The following ROBO1 variants were observed in gnomAD, a reference collection of about 807,000 sequenced individuals.
ROBO1 encodes the protein roundabout guidance receptor 1, also known as roundabout homolog 1.
Under a neutral mutation model 195.9 loss-of-function variants are expected in ROBO1, and 149 were observed. That is an observed-to-expected ratio of 0.76 (90% CI 0.67 to 0.87). The LOEUF (loss-of-function observed/expected upper bound fraction) is 0.87. ROBO1 is among the 40% of genes least tolerant of loss of function. ROBO1 has a pLI of 0.00. For synonymous variants in ROBO1, 816 were observed against 733.2 expected, an observed-to-expected ratio of 1.11 and a Z score of -1.82; for missense variants, 1,933 against 2,068.3, an observed-to-expected ratio of 0.93 and a Z score of 1.27.
chr3:79,660,958 T>A (rs1302908920), intron 1 of ROBO1, among the ~76,000 whole-genome samples: 1 of 152,092 alleles, frequency 6.6e-6, no homozygotes, highest in Non-Finnish European at 1.5e-5. Context: ...TGGGCTATAG[T>A]TTATCCTTCA....
intron 3 of ROBO1, among the ~76,000 whole-genome samples, chr3:78,970,099 A>G (rs2076730930): frequency 6.6e-6 from 1 of 152,258 alleles, no homozygotes; most frequent in Non-Finnish European, 1.5e-5. Context: ...GGAGCCAAAG[A>G]CTCATTAAAG....
chr3:79,757,921 A>G (rs1326577796), intron 1 of ROBO1, among the ~76,000 whole-genome samples: 1 of 152,198 alleles, frequency 6.6e-6, no homozygotes, highest in Non-Finnish European at 1.5e-5. Context: ...ATTCACCAAA[A>G]ATAGCTTTAA....
chr3:78,902,496 G>A (rs948998435), intron 4 of ROBO1, among the ~76,000 whole-genome samples: 1 of 151,912 alleles, frequency 6.6e-6, no homozygotes, highest in African/African-American at 2.4e-5. Flanking sequence ...TTACTTACAT[G>A]TGTCATAAAA....
intron 2 of ROBO1, among the ~76,000 whole-genome samples, chr3:79,278,110 A>C (rs996048333): frequency 6.6e-6 from 1 of 152,114 alleles, no homozygotes; most frequent in Non-Finnish European, 1.5e-5. Flanking sequence ...TTTAGCAAGG[A>C]GATGAAAGAC....
intron 4 of ROBO1, among the ~76,000 whole-genome samples, chr3:78,750,402 A>C (rs1343318813): frequency 6.6e-6 from 1 of 151,374 alleles, no homozygotes; most frequent in African/African-American, 2.4e-5. Context: ...GCAGTGAGCC[A>C]AGATCACACC....
chr3:79,455,387 C>CT (rs975477432), intron 2 of ROBO1, among the ~76,000 whole-genome samples: 6 of 151,816 alleles, frequency 4.0e-5, no homozygotes, highest in African/African-American at 7.3e-5. Flanking sequence ...AGAAATTTGC[C>CT]TTTTTTTAAA....
At chr3:79,473,963 T>C (rs1358670790) in intron 2 of ROBO1, among the ~76,000 whole-genome samples, 1 of 152,100 alleles carries the variant, frequency 6.6e-6, no homozygotes, top group East Asian at 1.9e-4. Context: ...AACAGTAAAA[T>C]GAGTAAAGCA....
intron 3 of ROBO1, among the ~76,000 whole-genome samples, chr3:79,117,507 C>T (rs2080028501): frequency 6.6e-6 from 1 of 152,096 alleles, no homozygotes; most frequent in South Asian, 2.1e-4. Context: ...ATCTGAGTGA[C>T]CATGTTGAAT....
intron 4 of ROBO1, among the ~76,000 whole-genome samples, chr3:78,877,098 C>A (rs1420873459): frequency 6.6e-6 from 1 of 151,932 alleles, no homozygotes; most frequent in Non-Finnish European, 1.5e-5. Flanking sequence ...CCAGTGAATA[C>A]AATTTATTAA....
intron 1 of ROBO1, among the ~76,000 whole-genome samples, chr3:79,688,348 C>A (rs1947195654): frequency 6.6e-6 from 1 of 151,916 alleles, no homozygotes. Context: ...TGCACATGTA[C>A]CCTAAAACTT....
chr3:79,293,736 T>A (rs2109035474), intron 2 of ROBO1, among the ~76,000 whole-genome samples: 1 of 152,234 alleles, frequency 6.6e-6, no homozygotes, highest in African/African-American at 2.4e-5. Context: ...CCCATCAAGC[T>A]ACCATTGACT....
At chr3:78,622,672 A>G (rs190491948) in intron 26 of ROBO1, among the ~76,000 whole-genome samples, 1 of 152,304 alleles carries the variant, frequency 6.6e-6, no homozygotes, top group African/African-American at 2.4e-5. Context: ...GGATTCTGTG[A>G]TTGCTTTAAT....
At chr3:79,730,138 T>C (rs1223761613) in intron 1 of ROBO1, among the ~76,000 whole-genome samples, 1 of 152,210 alleles carries the variant, frequency 6.6e-6, no homozygotes, top group Non-Finnish European at 1.5e-5. Context: ...CTAACAATCA[T>C]GGTTTAGAGA....
chr3:79,507,041 A>G (rs1447410349), intron 2 of ROBO1, among the ~76,000 whole-genome samples: 1 of 152,200 alleles, frequency 6.6e-6, no homozygotes, highest in East Asian at 1.9e-4. Context: ...ATCAATCAAC[A>G]TACATAATAG....
At chr3:78,742,510 C>T (rs543175686) in intron 5 of ROBO1, among the ~76,000 whole-genome samples, 1 of 152,154 alleles carries the variant, frequency 6.6e-6, no homozygotes, top group Admixed American at 6.5e-5. Context: ...TTATGATCTA[C>T]ATAAGATCAG....
intron 4 of ROBO1, among the ~76,000 whole-genome samples, chr3:78,882,402 T>G (rs561084979): frequency 6.6e-6 from 1 of 152,304 alleles, no homozygotes; most frequent in East Asian, 1.9e-4. Context: ...CCTCCTGCAC[T>G]TTCACAACGC....
intron 4 of ROBO1, among the ~76,000 whole-genome samples, chr3:78,773,013 A>C (rs2083416551): frequency 6.6e-6 from 1 of 152,254 alleles, no homozygotes; most frequent in South Asian, 2.1e-4. Context: ...TTATAGTACC[A>C]CATAATAATA....
At chr3:79,175,700 T>A (rs2081252290) in intron 2 of ROBO1, among the ~76,000 whole-genome samples, 1 of 152,206 alleles carries the variant, frequency 6.6e-6, no homozygotes, top group African/African-American at 2.4e-5. Flanking sequence ...TATATTCTTC[T>A]AAGACACACA....
chr3:79,230,153 T>C (rs982432603), intron 2 of ROBO1, among the ~76,000 whole-genome samples: 2 of 152,154 alleles, frequency 1.3e-5, no homozygotes, highest in Non-Finnish European at 2.9e-5. Context: ...CATAAATGCA[T>C]GTCACTTTTT....
Sources: allele counts gnomAD v4.1 joint callset (sites outside exome capture counted in the v4.1 genomes callset), GRCh38; gene constraint gnomAD v4.1.1; transcripts MANE v1.5; gene names NCBI Gene and HGNC (gene_info 2026-07-23, HGNC 2026-07-21).